The following NLRP2 variants were observed in gnomAD, a reference collection of about 807,000 sequenced individuals.
NLRP2 encodes the protein NLR family pyrin domain containing 2.
NLRP2 carries 107 observed loss-of-function variants against 97.2 expected under a neutral mutation model. The ratio of observed to expected loss-of-function variants is 1.10; its 90% CI spans 0.94 to 1.29. The LOEUF (loss-of-function observed/expected upper bound fraction) is 1.29. Ranked by LOEUF, NLRP2 falls within the 50% of genes most tolerant of loss-of-function variation. NLRP2 has a pLI of 0.00. For missense variants in NLRP2, 1,495 were observed against 1,330.3 expected (o/e 1.12, Z -1.93); for synonymous variants, 663 against 551.5 (o/e 1.20, Z -2.83).
At position 54,990,702 on chromosome 19, in the gene NLRP2, G is replaced by T. The variant is rs545190289; in HGVS notation, c.2708+30G>T. 4 of 1,612,352 alleles carry T rather than the reference G, an allele frequency of 2.5e-6. No individual in the cohort carries two copies. The East Asian group carries it at 6.7e-5, about 27-fold the overall frequency. On this transcript the variant is annotated intron_variant, in intron 10 of 12. Transcript: ENST00000448584. ...GTCCGTGCTGGCTGCCTGTGTGCGTGGGTGTATATGCACACGCCCCCCACC... is the reference window on the plus strand; with the variant it reads ...GTCCGTGCTGGCTGCCTGTGTGCGTTGGTGTATATGCACACGCCCCCCACC...
intron 2 of NLRP2, chr19:54,974,236 C>T (rs778379187): frequency 5.5e-5 from 32 of 582,206 alleles, no homozygotes; most frequent in Non-Finnish European, 8.6e-5. Flanking sequence ...TGCCTATAGT[C>T]CCAGCTACTC....
At chr19:54,979,417 G>T (rs1180835975) in intron 4 of NLRP2, among the ~76,000 whole-genome samples, 1 of 151,754 alleles carries the variant, frequency 6.6e-6, no homozygotes, top group Non-Finnish European at 1.5e-5. Context: ...ATCTCGGCTC[G>T]CCACAACCTC....
At chr19:55,000,505 G>C (rs1671135) in intron 12 of NLRP2, among the ~76,000 whole-genome samples, 118,265 of 148,816 alleles carry the variant, frequency 0.79, 47,181 homozygotes, top group East Asian at 0.9. Flanking sequence ...GTCTTGATCT[G>C]CTGACCTCGT....
At chr19:54,967,856 T>C (rs2070566275) in intron 1 of NLRP2, among the ~76,000 whole-genome samples, 1 of 152,044 alleles carries the variant, frequency 6.6e-6, no homozygotes, top group Admixed American at 6.6e-5. Context: ...TCTCACGCTA[T>C]TCACAGCTAT....
At chr19:54,984,700 C>G (rs1286162421) in intron 6 of NLRP2, among the ~76,000 whole-genome samples, 1 of 151,568 alleles carries the variant, frequency 6.6e-6, no homozygotes, top group African/African-American at 2.4e-5. Flanking sequence ...CCAGGCAGGT[C>G]TCGAACTCCC....
intron 2 of NLRP2, chr19:54,974,082 G>C: frequency 1.1e-6 from 1 of 942,704 alleles, no homozygotes; most frequent in East Asian, 2.6e-5. Context: ...GCAGCCAAGC[G>C]CGGTGGCTCA....
intron 4 of NLRP2, 48 bp downstream of exon 4, chr19:54,977,871 G>C (rs758171809): frequency 6.5e-7 from 1 of 1,538,176 alleles, no homozygotes. Flanking sequence ...GAAGCCCCCC[G>C]TTCTTGCTGC....
intron 11 of NLRP2, among the ~76,000 whole-genome samples, chr19:54,995,184 CCT>C (rs2072737864): frequency 7.7e-6 from 1 of 130,016 alleles, no homozygotes; most frequent in African/African-American, 2.9e-5. Flanking sequence ...GTAGTGGGTG[CCT>C]CTTTTTTTTT....
intron 4 of NLRP2, 109 bp downstream of exon 4, chr19:54,977,932 C>CTAT: frequency 9.7e-7 from 1 of 1,032,396 alleles, no homozygotes; most frequent in South Asian, 1.3e-5. Context: ...TTTTCCTCCA[C>CTAT]TATTCTTAAT....
intron 8 of NLRP2, among the ~76,000 whole-genome samples, chr19:54,987,762 G>T (rs567063680): frequency 6.7e-6 from 1 of 148,746 alleles, no homozygotes; most frequent in East Asian, 2.0e-4. Flanking sequence ...AAAAATCTTG[G>T]CTGGGTGCGG....
Position 54,996,070 on chromosome 19 carries a change from G to A in NLRP2, c.2880-1247G>A, listed in dbSNP as rs2072805337. Among the ~76,000 whole-genome samples the A allele has an allele frequency of 2.9e-5, 4 of 138,080 alleles. No homozygotes were observed. In the South Asian group the frequency reaches 9.2e-4, roughly 32 times the overall value. 90.6% of individuals were successfully genotyped at this position (138,080 alleles called of 152,430 possible). On this transcript the variant is annotated intron_variant, in intron 11 of 12. Transcript: ENST00000448584. ...AAAAAAAAACAAAAAAAACAAAGGC[G>A]CCTTTTTAATCACTCACTGACACGT...
intron 9 of NLRP2, 39 bp from the exon 10 acceptor site, chr19:54,990,463 G>T: frequency 6.2e-7 from 1 of 1,606,698 alleles, no homozygotes; most frequent in Non-Finnish European, 8.5e-7. Context: ...GTTGAAGTTG[G>T]ACCTGTCAAC....
chr19:54,967,359 G>C (rs968466867), intron 1 of NLRP2, among the ~76,000 whole-genome samples: 2 of 151,976 alleles, frequency 1.3e-5, no homozygotes, highest in African/African-American at 4.8e-5. Flanking sequence ...GCGCATACTT[G>C]TAATCCTAGC....
In NLRP2 at chr19:54,969,998, G is replaced by T. The variant is rs973200306; in HGVS notation, c.-17-1G>T. ...CACTCCTCCCTTGATTGTCATCACAGCTCCCACGTGGGACAAGATGGTGTC... is the reference window on the plus strand; with the variant it reads ...CACTCCTCCCTTGATTGTCATCACATCTCCCACGTGGGACAAGATGGTGTC... On this transcript the variant is annotated splice_acceptor_variant, in intron 1 of 12. Coordinates refer to ENST00000448584, the MANE Select transcript of NLRP2 (RefSeq NM_017852.5). LOFTEE classifies it low-confidence loss of function (5UTR_SPLICE). 3 of 1,612,458 alleles carry T rather than the reference G, an allele frequency of 1.9e-6. No individual in the cohort carries two copies. The highest frequency in any genetic ancestry group is 1.7e-5 in the Admixed American group (1 of 59,956).
chr19:54,974,960 C>G (rs529589693), intron 3 of NLRP2, among the ~76,000 whole-genome samples: 9 of 151,538 alleles, frequency 5.9e-5, no homozygotes, highest in Non-Finnish European at 1.0e-4. Context: ...CCACCAGGCC[C>G]GGCTAATTTT....
chr19:54,984,319 T>G, intron 6 of NLRP2, among the ~76,000 whole-genome samples: 1 of 113,674 alleles, frequency 8.8e-6, no homozygotes, highest in Non-Finnish European at 1.7e-5. Flanking sequence ...AAGTGGGGGT[T>G]TTTTTTTGTG....
chr19:54,980,706 C>T (rs2071517477), intron 4 of NLRP2, among the ~76,000 whole-genome samples: 1 of 152,154 alleles, frequency 6.6e-6, no homozygotes, highest in Non-Finnish European at 1.5e-5. Context: ...CTTCTTTCAG[C>T]AGAAGTGTTT....
chr19:54,990,435 G>A, intron 9 of NLRP2, 67 bp from the exon 10 acceptor site: 8 of 1,529,964 alleles, frequency 5.2e-6, no homozygotes, highest in South Asian at 1.1e-5. Flanking sequence ...GCTGGCACTT[G>A]TGGAGCTAGC....
At chr19:54,993,216 C>G (rs908055074) in intron 10 of NLRP2, 1 of 111,652 alleles carries the variant, frequency 9.0e-6, no homozygotes, top group African/African-American at 3.2e-5. Flanking sequence ...GAGACTGTCT[C>G]AAAAAAAAAA....
Sources: gnomAD v4.1 joint callset for allele counts (sites outside exome capture counted in the v4.1 genomes callset) on GRCh38, gnomAD v4.1.1 for gene constraint, MANE v1.5 for transcripts, NCBI Gene and HGNC (gene_info 2026-07-23, HGNC 2026-07-21) for gene names.